TP73: variants seen among roughly 807,000 people sequenced by gnomAD.
TP73 encodes tumor protein p73, also known as p53-like transcription factor.
Under a neutral mutation model 62.5 loss-of-function variants are expected in TP73, and 25 were observed. The observed-to-expected ratio is 0.40, with a 90% confidence interval of 0.29 to 0.56. TP73 has a LOEUF of 0.56. Among genes scored for constraint, TP73 ranks in the 20% least tolerant of loss-of-function variants. The pLI is 0.46. For synonymous variants in TP73, 423 were observed against 377.5 expected (o/e 1.12, Z -1.40); for missense variants, 754 against 913.3 (o/e 0.83, Z 2.25).
chr1:3,679,654 CTCTT>C (rs1243837783), intron 1 of TP73, among the ~76,000 whole-genome samples: 1 of 150,170 alleles, frequency 6.7e-6, no homozygotes, highest in African/African-American at 2.5e-5. Flanking sequence ...GTCTCTCTCT[CTCTT>C]TGTCCTTGTA....
Position 3,701,751 on chromosome 1 carries a change from C to T in TP73, c.187-5798C>T, listed in dbSNP as rs944943413. Among the ~76,000 whole-genome samples the T allele has an allele frequency of 2.6e-5, 4 of 152,192 alleles. No individual in the cohort carries two copies. The highest frequency in any genetic ancestry group is 1.9e-4 in the East Asian group (1 of 5,184). On this transcript the variant is annotated intron_variant, in intron 3 of 13. Coordinates refer to ENST00000378295, the MANE Select transcript of TP73 (RefSeq NM_005427.4). The surrounding 1 kb of genome is among the most constrained non-coding windows in gnomAD (Gnocchi z 4.7). ...CTTGAACTCCGGACCTCAGGTGATC[C>T]GCCTGCCTCGTCCTCCCAAATTGCT... is the stretch of plus-strand genomic sequence containing the variant.
At chr1:3,711,108 C>A (rs1275186615) in intron 4 of TP73, among the ~76,000 whole-genome samples, 1 of 152,266 alleles carries the variant, frequency 6.6e-6, no homozygotes, top group Non-Finnish European at 1.5e-5. Flanking sequence ...CTTCGCCCCT[C>A]TGCCCTGGCA....
chr1:3,709,570 G>A (rs1241792138), intron 4 of TP73, among the ~76,000 whole-genome samples: 1 of 152,176 alleles, frequency 6.6e-6, no homozygotes, highest in African/African-American at 2.4e-5. Flanking sequence ...GTGGGGCAAG[G>A]GGGACCAGGC....
intron 3 of TP73, among the ~76,000 whole-genome samples, chr1:3,703,143 T>A (rs4648550): frequency 1 from 151,712 of 152,332 alleles, 75,554 homozygotes; most frequent in East Asian, 1. Context: ...GCTGCATTCA[T>A]AACTGCAGCT....
Position 3,732,779 on chromosome 1 carries a change from C to T in TP73, c.1611C>T (p.Tyr537=), listed in dbSNP as rs756797065. ...DLGALKIPEQ[Y]RMTIWRGLQD... ...GGGCCCTGAAGATCCCCGAGCAGTA[C>T]CGCATGACCATCTGGCGGGGCCTGC... Residue 537 remains tyrosine, a synonymous_variant, in exon 14 of 14, where the codon TAC becomes TAT. Transcript: ENST00000378295. 1.9e-6 allele frequency: 3 copies of T among 1,599,428 alleles called. No homozygotes were observed. The highest frequency in any genetic ancestry group is 1.7e-6 in the Non-Finnish European group (2 of 1,171,024).
At chr1:3,690,887 A>C in intron 3 of TP73, 2 of 1,570,100 alleles carry the variant, frequency 1.3e-6, no homozygotes, top group Non-Finnish European at 1.7e-6. Context: ...TGGCGTGTGC[A>C]GACCCCCCGG....
intron 1 of TP73, among the ~76,000 whole-genome samples, chr1:3,673,955 G>T (rs557271771): frequency 2.5e-4 from 38 of 152,184 alleles, no homozygotes; most frequent in Non-Finnish European, 4.9e-4. Flanking sequence ...CCAGGGTAGA[G>T]CCAGGCTGCT....
chr1:3,719,997 C>T (rs1640941905), intron 4 of TP73, among the ~76,000 whole-genome samples: 1 of 151,038 alleles, frequency 6.6e-6, no homozygotes, highest in African/African-American at 2.4e-5. Flanking sequence ...CTCACTGCAA[C>T]CTCCACCTCC....
intron 3 of TP73, among the ~76,000 whole-genome samples, chr1:3,684,700 A>G (rs1053104292): frequency 2.0e-5 from 3 of 152,004 alleles, no homozygotes; most frequent in Non-Finnish European, 2.9e-5. Context: ...CCGGGGGGTC[A>G]ATTCCTCCGA....
chr1:3,726,901 C>CAATGGATGGGTG (rs1553146657), intron 6 of TP73, among the ~76,000 whole-genome samples: 2 of 147,474 alleles, frequency 1.4e-5, no homozygotes, highest in Non-Finnish European at 3.0e-5. Flanking sequence ...TAAATGGGTT[C>CAATGGATGGGTG]GATGGATGGA....
chr1:3,711,657 A>G (rs1161541406), intron 4 of TP73, among the ~76,000 whole-genome samples: 1 of 152,208 alleles, frequency 6.6e-6, no homozygotes, highest in Non-Finnish European at 1.5e-5. Context: ...TGGGCACCTC[A>G]GGGCATGCTG....
chr1:3,685,329 C>G (rs1230364432), intron 3 of TP73, among the ~76,000 whole-genome samples: 1 of 152,220 alleles, frequency 6.6e-6, no homozygotes, highest in African/African-American at 2.4e-5. Context: ...GAACGTGCCA[C>G]TCCCCAGCCA....
At chr1:3,732,186 G>A (rs760344566) in intron 13 of TP73, among the ~76,000 whole-genome samples, 9 of 152,196 alleles carry the variant, frequency 5.9e-5, no homozygotes, top group East Asian at 1.9e-4. Flanking sequence ...TCCAAGGCCC[G>A]TCCCAGACCA....
At chr1:3,685,675 A>G (rs375637167) in intron 3 of TP73, among the ~76,000 whole-genome samples, 3 of 152,204 alleles carry the variant, frequency 2.0e-5, no homozygotes, top group African/African-American at 7.2e-5. Context: ...CACAGGGCCC[A>G]GGGCTTAGCT....
At position 3,732,893 on chromosome 1, in the gene TP73, G is replaced by T. The variant is rs762311847; in HGVS notation, c.1725G>T (p.Gly575=). 3 of 1,611,470 alleles carry T rather than the reference G, an allele frequency of 1.9e-6. No individual in the cohort carries two copies. In the South Asian group the frequency reaches 3.3e-5, roughly 18 times the overall value. ...CCACCATCTCCATCGGCGGCTCAGG[G>T]GAACTGCAGCGCCAGCGGGTCATGG... The part of the protein sequence containing the change: ...NAATISIGGS[G]ELQRQRVMEA... Residue 575 remains glycine, a synonymous_variant, in exon 14 of 14, where the codon GGG becomes GGT. Coordinates refer to ENST00000378295, the MANE Select transcript of TP73 (RefSeq NM_005427.4).
intron 6 of TP73, among the ~76,000 whole-genome samples, chr1:3,724,751 G>A (rs1471671812): frequency 6.6e-6 from 1 of 152,262 alleles, no homozygotes; most frequent in African/African-American, 2.4e-5. Flanking sequence ...GGGCGCAGTG[G>A]CTCACGCCTG....
chr1:3,682,482 G>T, intron 2 of TP73, 52 bp downstream of exon 2: 1 of 1,407,892 alleles, frequency 7.1e-7, no homozygotes, highest in Non-Finnish European at 9.4e-7. Flanking sequence ...AGGCACTCTG[G>T]GCTAGCCTCA....
At chr1:3,685,922 C>G (rs768921706) in intron 3 of TP73, among the ~76,000 whole-genome samples, 8 of 152,232 alleles carry the variant, frequency 5.3e-5, no homozygotes, top group Admixed American at 1.3e-4. Context: ...AGGCTGGTGA[C>G]CTTGGACAAG....
intron 1 of TP73, among the ~76,000 whole-genome samples, chr1:3,657,564 C>T (rs944317604): frequency 6.6e-5 from 10 of 152,220 alleles, no homozygotes; most frequent in Non-Finnish European, 1.3e-4. Flanking sequence ...GGCTATGTTT[C>T]AGTAACTCGT....
Sources: gnomAD v4.1 joint callset for allele counts (sites outside exome capture counted in the v4.1 genomes callset) on GRCh38, gnomAD v4.1.1 for gene constraint, Gnocchi (gnomAD v3.1) non-coding constraint, MANE v1.5 for transcripts, NCBI Gene and HGNC (gene_info 2026-07-23, HGNC 2026-07-21) for gene names.